Variants in HMBOX1 observed in about 807,000 individuals in gnomAD.
HMBOX1 encodes homeobox-containing protein 1.
Under a neutral mutation model 54.5 loss-of-function variants are expected in HMBOX1, and 14 were observed. The ratio of observed to expected loss-of-function variants is 0.26; its 90% CI spans 0.17 to 0.40. The LOEUF (loss-of-function observed/expected upper bound fraction) is 0.40. Ranked by LOEUF, HMBOX1 falls within the 10% of genes least tolerant of loss-of-function variation. The pLI, the probability that HMBOX1 is intolerant of heterozygous loss-of-function variation, is 1.00. For missense variants in HMBOX1, 332 were observed against 514.4 expected (o/e 0.65, Z 3.43); for synonymous variants, 160 against 181.0 (o/e 0.88, Z 0.93).
chr8:29,039,561 C>T (rs1400914583), intron 6 of HMBOX1, among the ~76,000 whole-genome samples: 1 of 152,072 alleles, frequency 6.6e-6, no homozygotes, highest in Non-Finnish European at 1.5e-5. Flanking sequence ...TTCATTTATT[C>T]CCTAATGTAT....
In HMBOX1 at chr8:29,051,716, A is replaced by G; in HGVS notation, c.*561A>G. On this transcript the variant is annotated 3_prime_UTR_variant, in exon 10 of 10. Coordinates refer to ENST00000287701, the MANE Select transcript of HMBOX1 (RefSeq NM_001135726.3). ...ATTATAGCCACACTGTGGCTAGATT[A>G]TACTTCTTTGGGTGCTGTGCTAAGA... 1 of 675,500 alleles carries G rather than the reference A, an allele frequency of 1.5e-6. No individual in the cohort carries two copies. Among genetic ancestry groups the G allele is most frequent in the Non-Finnish European group, 2.7e-6 (1 of 365,144 alleles). 41.8% of individuals were successfully genotyped at this position (675,500 alleles called of 1,614,324 possible). A position where few individuals can be genotyped will look rare whatever the true frequency, so the allele number is the denominator to read the frequency against.
At chr8:28,934,188 A>G (rs1196288283) in intron 1 of HMBOX1, among the ~76,000 whole-genome samples, 3 of 152,274 alleles carry the variant, frequency 2.0e-5, no homozygotes, top group East Asian at 3.8e-4. Context: ...TAAAATCAAT[A>G]TGATTCACCA....
At chr8:29,047,828 A>G (rs1805826678) in intron 8 of HMBOX1, among the ~76,000 whole-genome samples, 1 of 152,062 alleles carries the variant, frequency 6.6e-6, no homozygotes, top group African/African-American at 2.4e-5. Context: ...CGGCCTCCCA[A>G]AATGCTGGGA....
intron 6 of HMBOX1, among the ~76,000 whole-genome samples, chr8:29,025,030 G>A (rs1370134801): frequency 6.6e-6 from 1 of 152,060 alleles, no homozygotes; most frequent in Non-Finnish European, 1.5e-5. Flanking sequence ...CAAAAAGGTT[G>A]GAGAACACTG....
intron 1 of HMBOX1, among the ~76,000 whole-genome samples, chr8:28,958,933 C>A (rs998463232): frequency 6.6e-6 from 1 of 151,974 alleles, no homozygotes; most frequent in African/African-American, 2.4e-5. Flanking sequence ...AAAGATGGAC[C>A]ACTCTTGCAT....
chr8:28,938,040 C>T (rs1230138669), intron 1 of HMBOX1, among the ~76,000 whole-genome samples: 3 of 152,110 alleles, frequency 2.0e-5, no homozygotes, highest in Non-Finnish European at 4.4e-5. Context: ...GGATAACAGG[C>T]TTTTGTTTCA....
intron 2 of HMBOX1, among the ~76,000 whole-genome samples, chr8:28,964,718 G>A (rs1258161989): frequency 6.6e-6 from 1 of 151,320 alleles, no homozygotes; most frequent in Non-Finnish European, 1.5e-5. Flanking sequence ...TTTCATTATA[G>A]TTCCCCCACC....
chr8:29,031,496 T>G (rs2133180165), intron 6 of HMBOX1, among the ~76,000 whole-genome samples: 1 of 152,108 alleles, frequency 6.6e-6, no homozygotes, highest in African/African-American at 2.4e-5. Flanking sequence ...ATAATTTACC[T>G]TATATATTTA....
intron 3 of HMBOX1, among the ~76,000 whole-genome samples, chr8:28,975,373 C>T (rs930997774): frequency 2.0e-5 from 3 of 152,160 alleles, no homozygotes; most frequent in Admixed American, 1.3e-4. Context: ...TCAGGGAGAA[C>T]GTCTTTGAAT....
At chr8:28,929,904 T>A (rs1484420636) in intron 1 of HMBOX1, among the ~76,000 whole-genome samples, 1 of 152,056 alleles carries the variant, frequency 6.6e-6, no homozygotes, top group Non-Finnish European at 1.5e-5. Context: ...TGCCTCTAAT[T>A]TCAGAACGTT....
intron 6 of HMBOX1, among the ~76,000 whole-genome samples, chr8:29,024,834 C>A (rs1475013688): frequency 6.6e-6 from 1 of 152,200 alleles, no homozygotes; most frequent in Non-Finnish European, 1.5e-5. Context: ...CTGTGGACCT[C>A]CACACAGTAG....
At position 29,018,506 on chromosome 8, in the gene HMBOX1, C is replaced by T. The variant is rs537783667; in HGVS notation, c.698-254C>T. Among the ~76,000 whole-genome samples the T allele has an allele frequency of 1.5e-3, 225 of 152,160 alleles. 3 individuals carry two copies. The highest frequency in any genetic ancestry group is 5.1e-3 in the African/African-American group (210 of 41,518). On this transcript the variant is annotated intron_variant, in intron 5 of 9. Coordinates refer to ENST00000287701, the MANE Select transcript of HMBOX1 (RefSeq NM_001135726.3). ...AATTAGGGTTATTTTAAGTTTGTCT[C>T]CTACCTGCATAAATTCCTTAAGCTT... is the stretch of plus-strand genomic sequence containing the variant.
intron 1 of HMBOX1, among the ~76,000 whole-genome samples, chr8:28,930,560 G>A (rs938954248): frequency 1.8e-4 from 28 of 152,188 alleles, no homozygotes; most frequent in African/African-American, 6.8e-4. Context: ...TATCACTGTG[G>A]TTGTTAGGCT....
At chr8:28,994,070 G>A (rs748823649) in intron 4 of HMBOX1, among the ~76,000 whole-genome samples, 22 of 151,866 alleles carry the variant, frequency 1.4e-4, no homozygotes, top group Non-Finnish European at 2.2e-4. Context: ...GGGAGACTGA[G>A]GAAGGAGAAT....
intron 1 of HMBOX1, among the ~76,000 whole-genome samples, chr8:28,932,429 T>G (rs2131915855): frequency 6.6e-6 from 1 of 152,352 alleles, no homozygotes; most frequent in African/African-American, 2.4e-5. Context: ...TAGTAGACAC[T>G]GATAGACAGT....
intron 3 of HMBOX1, among the ~76,000 whole-genome samples, chr8:28,973,809 T>G (rs1827866712): frequency 8.9e-5 from 1 of 11,234 alleles, no homozygotes; most frequent in Non-Finnish European, 1.8e-4. Flanking sequence ...TGGAGTTTTT[T>G]TTTTTTTTTT....
rs1800756820 is a variant in HMBOX1, at chr8:29,018,976, G to A, written c.851+63G>A. 1.2e-5 allele frequency: 18 copies of A among 1,467,052 alleles called. No individual in the cohort carries two copies. The South Asian group carries it at 2.2e-4, about 18-fold the overall frequency. 90.9% of individuals were successfully genotyped at this position (1,467,052 alleles called of 1,614,324 possible). A position where few individuals can be genotyped will look rare whatever the true frequency, so the allele number is the denominator to read the frequency against. On this transcript the variant is annotated intron_variant, in intron 6 of 9. Transcript: ENST00000287701. The stretch of plus-strand genomic sequence containing the variant: ...TTAGGGAAGACATCAACTCTGGATA[G>A]ACTGGGACAGTTTTCATTTCAAACA...
chr8:28,981,307 G>C (rs891864576), intron 4 of HMBOX1, among the ~76,000 whole-genome samples: 1 of 152,094 alleles, frequency 6.6e-6, no homozygotes, highest in Non-Finnish European at 1.5e-5. Context: ...GGTGTCCTTC[G>C]GTGTAGAAGT....
intron 2 of HMBOX1, among the ~76,000 whole-genome samples, chr8:28,966,045 T>C (rs957388419): frequency 1.3e-5 from 2 of 152,208 alleles, no homozygotes; most frequent in African/African-American, 4.8e-5. Flanking sequence ...AATAAAATTT[T>C]ACTGTTGGTG....
Sources: gnomAD v4.1 joint callset for allele counts (sites outside exome capture counted in the v4.1 genomes callset) on GRCh38, gnomAD v4.1.1 for gene constraint, MANE v1.5 for transcripts, NCBI Gene and HGNC (gene_info 2026-07-23, HGNC 2026-07-21) for gene names.